RBMS3: variants seen among roughly 807,000 people sequenced by gnomAD.
The protein encoded by RBMS3 is RNA binding motif single stranded interacting protein 3, also known as RNA-binding motif, single-stranded-interacting protein 3.
RBMS3 carries 27 observed loss-of-function variants against 66.8 expected under a neutral mutation model. The ratio of observed to expected loss-of-function variants is 0.40; its 90% CI spans 0.30 to 0.56. The LOEUF is 0.56. RBMS3 is among the 20% of genes least tolerant of loss of function. RBMS3 has a pLI of 0.40. For synonymous variants in RBMS3, 188 were observed against 183.0 expected (o/e 1.03, Z -0.22); for missense variants, 513 against 549.5 (o/e 0.93, Z 0.66).
In RBMS3 at chr3:29,597,297, A is replaced by G. The variant is rs186764743; in HGVS notation, c.399+10092A>G. ...TCCTCAGCACATCTGACTTTTATTG[A>G]AAGTGAAACCTAAAGATAAGTAATA... is the stretch of plus-strand genomic sequence containing the variant. On this transcript the variant is annotated intron_variant, in intron 4 of 14. Transcript: ENST00000383767. 4.6e-5 allele frequency among the ~76,000 whole-genome samples: 7 copies of G among 152,302 alleles called. No homozygotes were observed. In the East Asian group the frequency reaches 1.4e-3, roughly 29 times the overall value.
chr3:29,320,283 G>A (rs1326018700), intron 1 of RBMS3, among the ~76,000 whole-genome samples: 1 of 151,996 alleles, frequency 6.6e-6, no homozygotes, highest in Non-Finnish European at 1.5e-5. Context: ...CTTTCTCTGA[G>A]ACCTCTGAAA....
At chr3:29,625,605 G>A (rs2049030784) in intron 4 of RBMS3, among the ~76,000 whole-genome samples, 3 of 151,918 alleles carry the variant, frequency 2.0e-5, no homozygotes, top group Non-Finnish European at 4.4e-5. Context: ...GGCTGAGAGA[G>A]GAGAATCACT....
intron 1 of RBMS3, among the ~76,000 whole-genome samples, chr3:29,368,316 G>C (rs898596192): frequency 1.3e-5 from 2 of 152,122 alleles, no homozygotes; most frequent in African/African-American, 4.8e-5. Flanking sequence ...GATCACCTGG[G>C]AAGATGAAAT....
At chr3:29,922,034 TA>T (rs540014310) in intron 10 of RBMS3, among the ~76,000 whole-genome samples, 5 of 151,942 alleles carry the variant, frequency 3.3e-5, no homozygotes, top group African/African-American at 7.3e-5. Flanking sequence ...AATTTCAGAC[TA>T]AAAAAAAGAC....
At chr3:29,889,921 C>G (rs1406737700) in intron 8 of RBMS3, among the ~76,000 whole-genome samples, 1 of 151,592 alleles carries the variant, frequency 6.6e-6, no homozygotes, top group Non-Finnish European at 1.5e-5. Flanking sequence ...TAACCTAATT[C>G]TCCTAAAATA....
At chr3:29,688,727 C>G (rs757926566) in intron 4 of RBMS3, among the ~76,000 whole-genome samples, 1 of 151,294 alleles carries the variant, frequency 6.6e-6, no homozygotes, top group African/African-American at 2.4e-5. Context: ...GGACTACAAG[C>G]GGATGCCATC....
At chr3:29,489,564 G>T (rs1398837478) in intron 3 of RBMS3, among the ~76,000 whole-genome samples, 1 of 151,228 alleles carries the variant, frequency 6.6e-6, no homozygotes, top group Non-Finnish European at 1.5e-5. Flanking sequence ...ATATGTGAGG[G>T]TGTAACAGCG....
chr3:29,605,353 T>A (rs972475945), intron 4 of RBMS3, among the ~76,000 whole-genome samples: 2 of 151,946 alleles, frequency 1.3e-5, no homozygotes, highest in Non-Finnish European at 2.9e-5. Context: ...CATGAAATGT[T>A]GTACATTTCA....
At chr3:29,475,712 G>C (rs17673366) in intron 2 of RBMS3, among the ~76,000 whole-genome samples, 5,571 of 152,222 alleles carry the variant, frequency 0.037, 154 homozygotes, top group Admixed American at 0.095. Flanking sequence ...AAGGATTATG[G>C]GATGTGATAG....
chr3:29,468,993 G>A (rs1408222883), intron 2 of RBMS3, among the ~76,000 whole-genome samples: 1 of 152,106 alleles, frequency 6.6e-6, no homozygotes, highest in African/African-American at 2.4e-5. Context: ...TAGAGAAATG[G>A]TGGGACATAA....
rs1294126975 is a variant in RBMS3 at position 29,691,949 on chromosome 3, A to ATTTTTTTT, written c.400-47760_400-47753dup. ...GTGACCCTTCTCTCTCTCTCTCTCT[A>ATTTTTTTT]TTTTTTTTTTTTTTTTTTGAGATGG... On this transcript the variant is annotated intron_variant, in intron 4 of 14. Transcript: ENST00000383767. 2.8e-3 allele frequency among the ~76,000 whole-genome samples: 183 copies of ATTTTTTTT among 64,954 alleles called. 19 individuals carry two copies. The highest frequency in any genetic ancestry group is 0.024 in the Admixed American group (129 of 5,418). 42.6% of individuals were successfully genotyped at this position (64,954 alleles called of 152,430 possible).
At chr3:29,493,852 A>G (rs955356137) in intron 3 of RBMS3, among the ~76,000 whole-genome samples, 2 of 152,152 alleles carry the variant, frequency 1.3e-5, no homozygotes, top group East Asian at 1.9e-4. Context: ...CCATTGCTTT[A>G]TTTAGGAAAG....
At chr3:29,320,120 T>C (rs1396685379) in intron 1 of RBMS3, among the ~76,000 whole-genome samples, 1 of 152,068 alleles carries the variant, frequency 6.6e-6, no homozygotes, top group Non-Finnish European at 1.5e-5. Flanking sequence ...ATTTTTGTTT[T>C]CACAGGTGAG....
chr3:30,001,046 A>AG (rs201620198), intron 14 of RBMS3, among the ~76,000 whole-genome samples: 1 of 150,768 alleles, frequency 6.6e-6, no homozygotes, highest in East Asian at 2.0e-4. Context: ...AATAAAAAAA[A>AG]GAAAAGAAAA....
intron 5 of RBMS3, among the ~76,000 whole-genome samples, chr3:29,740,454 A>C (rs1291009381): frequency 1.3e-5 from 2 of 152,212 alleles, no homozygotes; most frequent in Admixed American, 1.3e-4. Flanking sequence ...GGGGAAAAAA[A>C]AATATTCCTT....
At chr3:29,995,622 TAAAGA>T in intron 14 of RBMS3, among the ~76,000 whole-genome samples, 1 of 151,680 alleles carries the variant, frequency 6.6e-6, no homozygotes, top group East Asian at 1.9e-4. Context: ...TCAACATTCT[TAAAGA>T]AAAGAATTTT....
At chr3:29,401,882 A>T (rs2039827819) in intron 1 of RBMS3, among the ~76,000 whole-genome samples, 1 of 152,056 alleles carries the variant, frequency 6.6e-6, no homozygotes, top group South Asian at 2.1e-4. Context: ...ATGATGATTA[A>T]TTTTTTAAAA....
chr3:29,960,213 A>C (rs1158288919), intron 12 of RBMS3, among the ~76,000 whole-genome samples: 2 of 152,238 alleles, frequency 1.3e-5, no homozygotes, highest in Admixed American at 6.5e-5. Flanking sequence ...GAAATTAGCC[A>C]AACCAAAGGG....
Position 29,612,817 on chromosome 3 carries a change from A to T in RBMS3, c.399+25612A>T, listed in dbSNP as rs77524844. Among the ~76,000 whole-genome samples, 17 of 152,302 alleles carry T rather than the reference A, an allele frequency of 1.1e-4. No individual in the cohort carries two copies. The East Asian group carries it at 3.3e-3, about 29-fold the overall frequency. ...TAAACCAAAGCTTCAGTGGAGAATT[A>T]TATTCCAAACATACAACTTCATTAA... On this transcript the variant is annotated intron_variant, in intron 4 of 14. Coordinates refer to ENST00000383767, the MANE Select transcript of RBMS3 (RefSeq NM_001003793.3).
Sources: allele counts gnomAD v4.1 joint callset (sites outside exome capture counted in the v4.1 genomes callset), GRCh38; gene constraint gnomAD v4.1.1; transcripts MANE v1.5; gene names NCBI Gene and HGNC (gene_info 2026-07-23, HGNC 2026-07-21).